Variants in SLC13A5 observed in about 807,000 individuals in gnomAD.
The protein encoded by SLC13A5 is Na(+)/citrate cotransporter.
A neutral mutation model predicts 56.5 loss-of-function variants in SLC13A5; 25 were observed. That is an observed-to-expected ratio of 0.44 (90% CI 0.32 to 0.62). The LOEUF (loss-of-function observed/expected upper bound fraction) is 0.62, where lower values mean the gene tolerates loss of function less well. Ranked by LOEUF, SLC13A5 falls within the 20% of genes least tolerant of loss-of-function variation. The probability of loss-of-function intolerance (pLI) is 0.04; values close to 1 mark genes in which losing one functional copy is unlikely to be tolerated. For synonymous variants in SLC13A5, 307 were observed against 301.5 expected (o/e 1.02, Z -0.19); for missense variants, 649 against 737.8 (o/e 0.88, Z 1.39).
In SLC13A5 at chr17:6,686,018, C is replaced by T. The variant is rs1183729585; in HGVS notation, c.*189G>A. 6.4e-6 allele frequency: 5 copies of T among 779,314 alleles called. No homozygotes were observed. In the African/African-American group the frequency reaches 8.7e-5, roughly 13 times the overall value. 48.3% of individuals were successfully genotyped at this position (779,314 alleles called of 1,614,324 possible). On this transcript the variant is annotated 3_prime_UTR_variant, in exon 12 of 12. Transcript: ENST00000433363. ...TTCCCTTCATTTCTGAGCCTACCCT[C>T]CAGCTGCCCATGACCATCTCTGCAT... is the stretch of plus-strand genomic sequence containing the variant.
rs1974082601 is a variant in SLC13A5, at chr17:6,713,108, C to T, written c.102+124G>A. ...GGCACCTGGAGCTCCTGAGTGCGCGCGCCCCGGGAGAGCTGTGCTCCCCGC... is the reference window on the plus strand; with the variant it reads ...GGCACCTGGAGCTCCTGAGTGCGCGTGCCCCGGGAGAGCTGTGCTCCCCGC... On this transcript the variant is annotated intron_variant, in intron 1 of 11. Transcript: ENST00000433363. The surrounding 1 kb of genome is among the most constrained non-coding windows in gnomAD (Gnocchi z 7.3). 3 of 935,638 alleles carry T rather than the reference C, an allele frequency of 3.2e-6. No homozygotes were observed. Among genetic ancestry groups the T allele is most frequent in the Non-Finnish European group, 4.9e-6 (3 of 617,602 alleles). 58.0% of individuals were successfully genotyped at this position (935,638 alleles called of 1,614,324 possible).
chr17:6,706,222 A>G (rs1973858977), intron 3 of SLC13A5, among the ~76,000 whole-genome samples: 1 of 152,136 alleles, frequency 6.6e-6, no homozygotes, highest in South Asian at 2.1e-4. Flanking sequence ...GTGGGAATAG[A>G]TGCTCCAGCT....
chr17:6,713,111 C>T lies in SLC13A5; in HGVS notation c.102+121G>A. 2 of 990,820 alleles carry T rather than the reference C, an allele frequency of 2.0e-6. No individual in the cohort carries two copies. The highest frequency in any genetic ancestry group is 4.3e-5 in the Admixed American group (2 of 46,278). 61.4% of individuals were successfully genotyped at this position (990,820 alleles called of 1,614,324 possible). A position where few individuals can be genotyped will look rare whatever the true frequency, so the allele number is the denominator to read the frequency against. On this transcript the variant is annotated intron_variant, in intron 1 of 11. Transcript: ENST00000433363. The surrounding 1 kb of genome is among the most constrained non-coding windows in gnomAD (Gnocchi z 7.3). ...ACCTGGAGCTCCTGAGTGCGCGCGC[C>T]CCGGGAGAGCTGTGCTCCCCGCGAA...
Position 6,694,143 on chromosome 17 carries a change from C to A in SLC13A5, c.1110G>T (p.Val370=). 1 of 1,613,686 alleles carries A rather than the reference C, an allele frequency of 6.2e-7. No homozygotes were observed. The highest frequency in any genetic ancestry group is 8.5e-7 in the Non-Finnish European group (1 of 1,179,826). The change falls in exon 8 of 12, where the codon GTG becomes GTT. Residue 370 remains valine, a synonymous_variant. Coordinates refer to ENST00000433363, the MANE Select transcript of SLC13A5 (RefSeq NM_177550.5). ...AIFVATLLFI[V]PSQKPKFNFR... ...AGTTAAACTTGGGCTTCTGTGAAGG[C>A]ACAATGAATAGCAGGGTGGCCACAA...
intron 6 of SLC13A5, among the ~76,000 whole-genome samples, chr17:6,699,044 A>AAAAC (rs1342482906): frequency 2.2e-5 from 3 of 138,164 alleles, no homozygotes; most frequent in Non-Finnish European, 4.6e-5. Flanking sequence ...CACTGTCTCA[A>AAAAC]AAATAAATAA....
At chr17:6,690,641 T>TA in intron 10 of SLC13A5, 138 bp downstream of exon 10, 1 of 1,215,324 alleles carries the variant, frequency 8.2e-7, no homozygotes. Context: ...GGTCCACAAA[T>TA]CCACGTCACA....
Position 6,701,242 on chromosome 17 carries a change from C to T in SLC13A5, c.717-116G>A, listed in dbSNP as rs567282083. The T allele has an allele frequency of 2.7e-5, 39 of 1,431,946 alleles. No individual in the cohort carries two copies. The Admixed American group carries it at 4.2e-4, about 15-fold the overall frequency. The allele number at this position is 1,431,946 out of a possible 1,614,324, so 88.7% of individuals were successfully genotyped here. A position where few individuals can be genotyped will look rare whatever the true frequency, so the allele number is the denominator to read the frequency against. ...GAGAGGCGCGCCTGTGTGGAGGCCA[C>T]ATCCTCCTGAGGTCTAGCCACCAAG... On this transcript the variant is annotated intron_variant, in intron 5 of 11. Transcript: ENST00000433363. This position sits in a 1 kb window ranked among gnomAD's most constrained non-coding sequence, Gnocchi z 4.1.
rs1282942647 is a variant in SLC13A5, at chr17:6,684,943, A to G, written c.*1264T>C. 6.6e-6 allele frequency: 1 copy of G among 151,132 alleles called. No homozygotes were observed. Among genetic ancestry groups the G allele is most frequent in the Non-Finnish European group, 1.5e-5 (1 of 67,816 alleles). 9.4% of individuals were successfully genotyped at this position (151,132 alleles called of 1,614,324 possible). ...AATAAAATGGACTTGCGGGGGAAAG[A>G]AGATGCTTGTCTCTCATGTCTGTCT... On this transcript the variant is annotated 3_prime_UTR_variant, in exon 12 of 12. Coordinates refer to ENST00000433363, the MANE Select transcript of SLC13A5 (RefSeq NM_177550.5).
At chr17:6,696,323 G>A (rs1973560144) in intron 6 of SLC13A5, among the ~76,000 whole-genome samples, 1 of 152,232 alleles carries the variant, frequency 6.6e-6, no homozygotes, top group African/African-American at 2.4e-5. Context: ...CTTCGATGGT[G>A]TTGGGATGCC....
intron 6 of SLC13A5, among the ~76,000 whole-genome samples, chr17:6,699,569 C>A (rs1346016175): frequency 6.6e-6 from 1 of 152,200 alleles, no homozygotes; most frequent in Non-Finnish European, 1.5e-5. Context: ...CTCCCGGCTT[C>A]AAGCAATTCT....
At position 6,700,992 on chromosome 17, in the gene SLC13A5, G is replaced by A. The variant is rs771730606; in HGVS notation, c.839+12C>T. On this transcript the variant is annotated intron_variant, in intron 6 of 11. Coordinates refer to ENST00000433363, the MANE Select transcript of SLC13A5 (RefSeq NM_177550.5). Reference sequence around the variant, plus strand: ...ATTAGGCATAATTAGGCTGTGAGCAGCTCAAACTTACTTGAATCTCATGTA... The same window carrying A: ...ATTAGGCATAATTAGGCTGTGAGCAACTCAAACTTACTTGAATCTCATGTA... 1 of 1,613,976 alleles carries A rather than the reference G, an allele frequency of 6.2e-7. No individual in the cohort carries two copies. The highest frequency in any genetic ancestry group is 8.5e-7 in the Non-Finnish European group (1 of 1,180,000).
At chr17:6,694,462 CA>C (rs1231991053) in intron 7 of SLC13A5, among the ~76,000 whole-genome samples, 1 of 152,026 alleles carries the variant, frequency 6.6e-6, no homozygotes, top group East Asian at 1.9e-4. Flanking sequence ...ACTAAAAATA[CA>C]AAAAATTAGC....
chr17:6,690,082 A>AAAC (rs1290438385), intron 10 of SLC13A5: 4 of 129,742 alleles, frequency 3.1e-5, no homozygotes, highest in Non-Finnish European at 6.5e-5. Flanking sequence ...AAAAAAAAAA[A>AAAC]AAAAAAAAAA....
In SLC13A5 at chr17:6,711,638, G is replaced by A. The variant is rs1198145204; in HGVS notation, c.102+1594C>T. Among the ~76,000 whole-genome samples, 1 of 150,626 alleles carries A rather than the reference G, an allele frequency of 6.6e-6. No homozygotes were observed. The highest frequency in any genetic ancestry group is 6.6e-5 in the Admixed American group (1 of 15,098). On this transcript the variant is annotated intron_variant, in intron 1 of 11. Transcript: ENST00000433363. This position sits in a 1 kb window ranked among gnomAD's most constrained non-coding sequence, Gnocchi z 4.0. ...TTTGTGTGTGTTTGTGTTTGTGCGTGTGTTTTGTGTGTGTCTGTGTGTTTG... is the reference window on the plus strand; with the variant it reads ...TTTGTGTGTGTTTGTGTTTGTGCGTATGTTTTGTGTGTGTCTGTGTGTTTG...
chr17:6,702,886 G>A (rs1973750678), intron 5 of SLC13A5, 84 bp downstream of exon 5: 2 of 1,538,178 alleles, frequency 1.3e-6, no homozygotes, highest in Non-Finnish European at 8.8e-7. Context: ...CCAGGACTCT[G>A]CAGAGGAGCA....
intron 6 of SLC13A5, among the ~76,000 whole-genome samples, chr17:6,698,146 G>A (rs1441948077): frequency 6.6e-6 from 1 of 152,220 alleles, no homozygotes; most frequent in African/African-American, 2.4e-5. Flanking sequence ...AAACAAAGCT[G>A]CCGTGAGCTA....
In SLC13A5 at chr17:6,707,100, G is replaced by A. The variant is rs1301617529; in HGVS notation, c.159C>T (p.Val53=). 6.2e-7 allele frequency: 1 copy of A among 1,614,122 alleles called. No individual in the cohort carries two copies. Among genetic ancestry groups the A allele is most frequent in the Non-Finnish European group, 8.5e-7 (1 of 1,180,046 alleles). The change falls in exon 2 of 12, where the codon GTC becomes GTT. Residue 53 remains valine, a synonymous_variant. Coordinates refer to ENST00000433363, the MANE Select transcript of SLC13A5 (RefSeq NM_177550.5). The stretch of plus-strand genomic sequence containing the variant: ...TGAGAGAGGTGACAGCCAGAGGGAT[G>A]ACTTCTGTGCACCAGTAAATGGCCA... The part of the protein sequence containing the change: ...ILMAIYWCTE[V]IPLAVTSLMP...
At position 6,686,328 on chromosome 17, in the gene SLC13A5, C is replaced by T. The variant is rs1973251610; in HGVS notation, c.1586G>A (p.Gly529Glu). ...HLKVADMVKT[G>E]VIMNIIGVFC... ...GACTCCAATTATGTTCATTATGACT[C>T]CTGTTTTCACCTGGAAAAGAGACAG... Residue 529 changes from glycine (G) to glutamate (E), a missense_variant, in exon 12 of 12, where the codon GGA becomes GAA. By Grantham distance (98) the Gly-to-Glu change is moderately conservative (BLOSUM62 -2). Transcript: ENST00000433363. 2 of 1,613,970 alleles carry T rather than the reference C, an allele frequency of 1.2e-6. No homozygotes were observed. The highest frequency in any genetic ancestry group is 1.1e-5 in the South Asian group (1 of 91,082).
At position 6,687,612 on chromosome 17, in the gene SLC13A5, CACTCAGGGT is replaced by C. The variant is rs1255190713; in HGVS notation, c.1483_1491del (p.Thr495_Ser497del). On this transcript the variant is annotated inframe_deletion, in exon 11 of 12. Transcript: ENST00000433363. The surrounding 1 kb of genome is among the most constrained non-coding windows in gnomAD (Gnocchi z 5.0). ...ACAGGCAACATGAAGGCAAAGGAGG[CACTCAGGGT>C]ACAGGGCAGCATGATGTACAGCGGA... 1.2e-6 allele frequency: 2 copies of C among 1,613,752 alleles called. No individual in the cohort carries two copies. Among genetic ancestry groups the C allele is most frequent in the Admixed American group, 3.3e-5 (2 of 59,936 alleles).
Sources: allele counts gnomAD v4.1 joint callset (sites outside exome capture counted in the v4.1 genomes callset), GRCh38; gene constraint gnomAD v4.1.1; non-coding constraint Gnocchi (gnomAD v3.1); transcripts MANE v1.5; gene names NCBI Gene and HGNC (gene_info 2026-07-23, HGNC 2026-07-21).